Variants in ROBO2 observed in about 807,000 individuals in gnomAD.
The protein encoded by ROBO2 is roundabout homolog 2.
Under a neutral mutation model 160.8 loss-of-function variants are expected in ROBO2, and 53 were observed. The ratio of observed to expected loss-of-function variants is 0.33; its 90% confidence interval spans 0.26 to 0.41. The LOEUF is 0.41. ROBO2 is among the 10% of genes least tolerant of loss of function. ROBO2 has a pLI of 1.00. For missense variants in ROBO2, 1,577 were observed against 1,722.4 expected (o/e 0.92, Z 1.49); for synonymous variants, 664 against 611.7 (o/e 1.09, Z -1.26).
intron 2 of ROBO2, among the ~76,000 whole-genome samples, chr3:76,812,688 T>C (rs2065296792): frequency 6.6e-6 from 1 of 151,996 alleles, no homozygotes; most frequent in East Asian, 1.9e-4. Context: ...AAAAAACTTA[T>C]AATTAAAATA....
rs147446715 is a variant in ROBO2, at chr3:77,370,735, A to G, written c.389-106679A>G. Among the ~76,000 whole-genome samples the G allele has an allele frequency of 4.2e-5, 6 of 141,800 alleles. No individual in the cohort carries two copies. The East Asian group carries it at 1.1e-3, about 26-fold the overall frequency. The allele number at this position is 141,800 out of a possible 152,430, so 93.0% of individuals were successfully genotyped here. Reference sequence around the variant, plus strand: ...GAATAATATTGTAGGACACATGAAAACTTGATGAAAGGCAAGTGTCAGTGT... The same window carrying G: ...GAATAATATTGTAGGACACATGAAAGCTTGATGAAAGGCAAGTGTCAGTGT... On this transcript the variant is annotated intron_variant, in intron 2 of 25. Coordinates refer to ENST00000461745, the Ensembl canonical transcript of ROBO2.
intron 2 of ROBO2, among the ~76,000 whole-genome samples, chr3:76,871,329 C>T (rs544699526): frequency 1.6e-4 from 25 of 151,730 alleles, no homozygotes; most frequent in African/African-American, 5.3e-4. Flanking sequence ...CCGAGGCAGG[C>T]GGATCACGAG....
intron 20 of ROBO2, chr3:77,602,808 G>C (rs1043192720): frequency 4.2e-6 from 2 of 479,850 alleles, no homozygotes; most frequent in Non-Finnish European, 8.1e-6. Flanking sequence ...TTAGGGCAGG[G>C]TAGACAAAAC....
intron 2 of ROBO2, among the ~76,000 whole-genome samples, chr3:76,688,117 G>A (rs1231255025): frequency 1.3e-5 from 2 of 152,052 alleles, no homozygotes; most frequent in African/African-American, 2.4e-5. Flanking sequence ...CTGAAAAGTA[G>A]TAATCATATT....
intron 2 of ROBO2, among the ~76,000 whole-genome samples, chr3:76,036,492 G>A (rs2067113559): frequency 6.6e-6 from 1 of 150,774 alleles, no homozygotes; most frequent in African/African-American, 2.5e-5. Flanking sequence ...AAATGATTTG[G>A]GGCAAGTTTC....
At chr3:77,392,190 G>T (rs935644373) in intron 2 of ROBO2, among the ~76,000 whole-genome samples, 1 of 151,984 alleles carries the variant, frequency 6.6e-6, no homozygotes, top group African/African-American at 2.4e-5. Context: ...TAAACATGAG[G>T]TATTGCTACT....
At chr3:77,584,619 C>A (rs1448788038) in intron 16 of ROBO2, among the ~76,000 whole-genome samples, 2 of 151,882 alleles carry the variant, frequency 1.3e-5, no homozygotes, top group African/African-American at 4.8e-5. Context: ...GGTTTTCTTT[C>A]TTTTATATAT....
At chr3:76,082,828 A>T (rs1323089493) in intron 2 of ROBO2, among the ~76,000 whole-genome samples, 1 of 152,110 alleles carries the variant, frequency 6.6e-6, no homozygotes, top group Non-Finnish European at 1.5e-5. Context: ...ATTGCCTGGG[A>T]TATAGTAGCT....
chr3:76,257,814 G>A lies in ROBO2; in HGVS notation c.109+320212G>A, dbSNP rs186290115. On this transcript the variant is annotated intron_variant, in intron 2 of 26. Coordinates refer to the ROBO2 transcript ENST00000487694. The stretch of plus-strand genomic sequence containing the variant: ...TTCCTTTCTCTCACTTATTATATCA[G>A]TGCATCCTCCATATGTTCATAAGTC... Among the ~76,000 whole-genome samples the A allele has an allele frequency of 2.3e-3, 356 of 152,150 alleles. 3 individuals carry two copies. Among genetic ancestry groups the A allele is most frequent in the African/African-American group, 8.2e-3 (340 of 41,514 alleles).
intron 2 of ROBO2, among the ~76,000 whole-genome samples, chr3:76,697,863 G>A (rs1293786529): frequency 6.6e-6 from 1 of 152,114 alleles, no homozygotes; most frequent in Non-Finnish European, 1.5e-5. Context: ...TGAGGGAACT[G>A]TGATAGTCTA....
intron 2 of ROBO2, among the ~76,000 whole-genome samples, chr3:76,879,852 GA>G (rs1236265447): frequency 6.6e-6 from 1 of 152,152 alleles, no homozygotes; most frequent in Non-Finnish European, 1.5e-5. Flanking sequence ...ACACTATTAA[GA>G]AGGTAAAAGC....
At chr3:76,163,188 T>C (rs1161527711) in intron 2 of ROBO2, among the ~76,000 whole-genome samples, 1 of 152,052 alleles carries the variant, frequency 6.6e-6, no homozygotes, top group Admixed American at 6.6e-5. Flanking sequence ...ATTGAAACTA[T>C]TAAAGAATAT....
chr3:77,436,022 T>C (rs2079247713), intron 2 of ROBO2, among the ~76,000 whole-genome samples: 1 of 150,460 alleles, frequency 6.6e-6, no homozygotes, highest in Non-Finnish European at 1.5e-5. Flanking sequence ...GATTAAGAAG[T>C]GAGTCTTAGA....
At chr3:77,315,659 C>A (rs1164863280) in intron 2 of ROBO2, among the ~76,000 whole-genome samples, 5 of 152,050 alleles carry the variant, frequency 3.3e-5, no homozygotes, top group African/African-American at 1.2e-4. Context: ...TAAATATATA[C>A]CTCCAATGTT....
chr3:76,333,905 C>T (rs1473487923), intron 2 of ROBO2, among the ~76,000 whole-genome samples: 1 of 152,258 alleles, frequency 6.6e-6, no homozygotes, highest in South Asian at 2.1e-4. Flanking sequence ...AAAAACCAAG[C>T]ACCGCATGTT....
rs191209999 is a variant in ROBO2, at chr3:77,108,845, C to T, written c.388+10505C>T. Among the ~76,000 whole-genome samples the T allele has an allele frequency of 9.6e-4, 146 of 152,110 alleles. 1 individual carries two copies. The highest frequency in any genetic ancestry group is 6.1e-3 in the Admixed American group (93 of 15,264). Reference sequence around the variant, plus strand: ...TAGTAGAGGGAGATAATTTAAATAGCGAGGTAGAAATTAGTAATGACTAAA... The same window carrying T: ...TAGTAGAGGGAGATAATTTAAATAGTGAGGTAGAAATTAGTAATGACTAAA... On this transcript the variant is annotated intron_variant, in intron 2 of 25. Transcript: ENST00000461745.
At chr3:76,112,524 T>G (rs1381219092) in intron 2 of ROBO2, among the ~76,000 whole-genome samples, 1 of 152,098 alleles carries the variant, frequency 6.6e-6, no homozygotes, top group Non-Finnish European at 1.5e-5. Flanking sequence ...CCATGTTGTT[T>G]TCTGTCTGTA....
intron 2 of ROBO2, among the ~76,000 whole-genome samples, chr3:76,679,714 A>G (rs964741292): frequency 6.6e-6 from 1 of 152,176 alleles, no homozygotes; most frequent in East Asian, 1.9e-4. Context: ...AGATTTTGCT[A>G]CATTAGGTAA....
chr3:76,984,125 T>A (rs1382861523), intron 2 of ROBO2, among the ~76,000 whole-genome samples: 1 of 152,252 alleles, frequency 6.6e-6, no homozygotes, highest in South Asian at 2.1e-4. Flanking sequence ...CGGGATCCAG[T>A]TACCTCCACC....
Sources: gnomAD v4.1 joint callset for allele counts (sites outside exome capture counted in the v4.1 genomes callset) on GRCh38, gnomAD v4.1.1 for gene constraint, MANE v1.5 for transcripts, NCBI Gene and HGNC (gene_info 2026-07-23, HGNC 2026-07-21) for gene names.